NR3C2: variants seen among roughly 807,000 people sequenced by gnomAD.
NR3C2 encodes the protein nuclear receptor subfamily 3 group C member 2.
Under a neutral mutation model 86.4 loss-of-function variants are expected in NR3C2, and 15 were observed. That is an observed-to-expected ratio of 0.17 (90% confidence interval 0.12 to 0.27). The LOEUF (loss-of-function observed/expected upper bound fraction) is 0.27. NR3C2 is among the 10% of genes least tolerant of loss of function. The pLI, the probability that NR3C2 is intolerant of heterozygous loss-of-function variation, is 1.00. For missense variants in NR3C2, 960 were observed against 1,195.6 expected (o/e 0.80, Z 2.91); for synonymous variants, 458 against 450.5 (o/e 1.02, Z -0.21).
chr4:148,417,879 A>G (rs745623596), intron 2 of NR3C2, among the ~76,000 whole-genome samples: 1 of 152,204 alleles, frequency 6.6e-6, no homozygotes, highest in Non-Finnish European at 1.5e-5. Context: ...ATATTTGAAT[A>G]GCATTATATA....
At chr4:148,356,748 T>C (rs776983307) in intron 2 of NR3C2, among the ~76,000 whole-genome samples, 2 of 152,172 alleles carry the variant, frequency 1.3e-5, no homozygotes, top group Non-Finnish European at 2.9e-5. Context: ...AAATAAGTCT[T>C]GTTACTAAAA....
chr4:148,312,153 G>T (rs1051905838), intron 2 of NR3C2, among the ~76,000 whole-genome samples: 1 of 152,090 alleles, frequency 6.6e-6, no homozygotes, highest in Admixed American at 6.6e-5. Flanking sequence ...TAACTTTTCA[G>T]GAATTCTGCG....
intron 3 of NR3C2, among the ~76,000 whole-genome samples, chr4:148,253,529 T>G (rs1175723175): frequency 6.6e-6 from 1 of 152,216 alleles, no homozygotes; most frequent in Non-Finnish European, 1.5e-5. Flanking sequence ...GCTCTGTCTC[T>G]CTGAATACTG....
chr4:148,145,969 A>C (rs973182071), intron 6 of NR3C2, among the ~76,000 whole-genome samples: 3 of 152,118 alleles, frequency 2.0e-5, no homozygotes, highest in African/African-American at 7.2e-5. Flanking sequence ...GAAACGAAGG[A>C]GCAGGGAGAA....
At chr4:148,085,331 T>C (rs1730763361) in intron 8 of NR3C2, among the ~76,000 whole-genome samples, 1 of 152,186 alleles carries the variant, frequency 6.6e-6, no homozygotes, top group African/African-American at 2.4e-5. Context: ...AACTCAGGAT[T>C]AAGAAACTCA....
chr4:148,353,708 T>C (rs1178458113), intron 2 of NR3C2, among the ~76,000 whole-genome samples: 1 of 152,200 alleles, frequency 6.6e-6, no homozygotes, highest in African/African-American at 2.4e-5. Flanking sequence ...TATTCCTATA[T>C]GAAAAGACCA....
chr4:148,185,599 A>G (rs780703719), intron 4 of NR3C2, among the ~76,000 whole-genome samples: 5 of 152,206 alleles, frequency 3.3e-5, no homozygotes, highest in Non-Finnish European at 5.9e-5. Flanking sequence ...CTACAGTGAC[A>G]ATTAGTTTTC....
chr4:148,388,888 T>C (rs1747401182), intron 2 of NR3C2, among the ~76,000 whole-genome samples: 1 of 152,194 alleles, frequency 6.6e-6, no homozygotes, highest in African/African-American at 2.4e-5. Context: ...GGGTAACATC[T>C]ATCCATAGCA....
At chr4:148,196,075 C>T (rs968576694) in intron 3 of NR3C2, among the ~76,000 whole-genome samples, 2 of 152,102 alleles carry the variant, frequency 1.3e-5, no homozygotes, top group African/African-American at 4.8e-5. Flanking sequence ...TTATTGTAAC[C>T]TACGGGAGAG....
rs931215198 is a variant in NR3C2, at chr4:148,436,671, T to C, written c.190A>G (p.Ser64Gly). 1 of 1,614,214 alleles carries C rather than the reference T, an allele frequency of 6.2e-7. No homozygotes were observed. Among genetic ancestry groups the C allele is most frequent in the Non-Finnish European group, 8.5e-7 (1 of 1,180,032 alleles). The change falls in exon 2 of 9, where the codon AGC becomes GGC. Residue 64 changes from serine to glycine, a missense_variant. Transcript: ENST00000358102. ...AIPNNSTQGS[S>G]KEKQELLPCL... ...GGGAGTAGTTCTTGTTTTTCTTTGCTGCTTCCTTGAGTACTGTTGTTTGGA... is the reference window on the plus strand; with the variant it reads ...GGGAGTAGTTCTTGTTTTTCTTTGCCGCTTCCTTGAGTACTGTTGTTTGGA...
chr4:148,114,055 A>T, intron 8 of NR3C2, 49 bp downstream of exon 8: 1 of 1,603,630 alleles, frequency 6.2e-7, no homozygotes, highest in South Asian at 1.1e-5. Context: ...AGCAGTGTGT[A>T]TGTGGTTGCT....
At chr4:148,094,288 G>A (rs537309811) in intron 8 of NR3C2, among the ~76,000 whole-genome samples, 2 of 152,312 alleles carry the variant, frequency 1.3e-5, no homozygotes, top group East Asian at 3.9e-4. Context: ...AATGTATAAT[G>A]GTGCAGTGCT....
intron 2 of NR3C2, among the ~76,000 whole-genome samples, chr4:148,326,972 A>G (rs1204174516): frequency 6.6e-6 from 1 of 152,352 alleles, no homozygotes; most frequent in East Asian, 1.9e-4. Context: ...AAGATCTAAA[A>G]TAATACTTAA....
chr4:148,281,119 T>C (rs760431645), intron 2 of NR3C2, among the ~76,000 whole-genome samples: 1 of 152,198 alleles, frequency 6.6e-6, no homozygotes, highest in Non-Finnish European at 1.5e-5. Context: ...GTTCTCTAAG[T>C]TCACAAGGAC....
chr4:148,249,955 G>C (rs1212783962), intron 3 of NR3C2, among the ~76,000 whole-genome samples: 4 of 152,146 alleles, frequency 2.6e-5, no homozygotes, highest in African/African-American at 9.7e-5. Context: ...ATGAGAGGGA[G>C]AGAGACAATG....
intron 2 of NR3C2, among the ~76,000 whole-genome samples, chr4:148,343,775 G>A (rs968319229): frequency 2.0e-5 from 3 of 151,912 alleles, no homozygotes; most frequent in African/African-American, 4.8e-5. Flanking sequence ...ACACACACTC[G>A]AAAAAAATTG....
chr4:148,363,320 G>A (rs903303633), intron 2 of NR3C2, among the ~76,000 whole-genome samples: 2 of 152,070 alleles, frequency 1.3e-5, no homozygotes, highest in African/African-American at 4.8e-5. Flanking sequence ...TCAAAGTCCT[G>A]TTTTCTTTCT....
intron 8 of NR3C2, among the ~76,000 whole-genome samples, chr4:148,096,614 A>C (rs944038637): frequency 2.6e-5 from 4 of 152,240 alleles, no homozygotes; most frequent in African/African-American, 7.2e-5. Context: ...CGGTCTGGCA[A>C]ACTACAGTTG....
At chr4:148,287,139 C>T (rs769934631) in intron 2 of NR3C2, among the ~76,000 whole-genome samples, 12 of 152,238 alleles carry the variant, frequency 7.9e-5, no homozygotes, top group Non-Finnish European at 1.5e-4. Flanking sequence ...ATTAGCTATG[C>T]ATGGAAACCA....
Sources: gnomAD v4.1 joint callset for allele counts (sites outside exome capture counted in the v4.1 genomes callset) on GRCh38, gnomAD v4.1.1 for gene constraint, MANE v1.5 for transcripts, NCBI Gene and HGNC (gene_info 2026-07-23, HGNC 2026-07-21) for gene names.